PPM1H: variants seen among roughly 807,000 people sequenced by gnomAD.
The protein encoded by PPM1H is protein phosphatase 1H.
A neutral mutation model predicts 54.9 loss-of-function variants in PPM1H; 27 were observed. The ratio of observed to expected loss-of-function variants is 0.49; its 90% confidence interval spans 0.36 to 0.68. The LOEUF is 0.68. PPM1H is among the 30% of genes least tolerant of loss of function. PPM1H has a pLI of 0.00. For missense variants in PPM1H, 596 were observed against 667.8 expected, an observed-to-expected ratio of 0.89 and a Z score of 1.19; for synonymous variants, 305 against 270.8, an observed-to-expected ratio of 1.13 and a Z score of -1.24.
rs551737149 is a variant in PPM1H at position 62,747,980 on chromosome 12, T to C, written c.870-10394A>G. On this transcript the variant is annotated intron_variant, in intron 4 of 9. Transcript: ENST00000228705. The stretch of plus-strand genomic sequence containing the variant: ...AAAAAATAAAGGTAGCATCTCTCTG[T>C]AGAGTAGAAATGGAAAAGAAATCCA... Among the ~76,000 whole-genome samples, 6 of 152,266 alleles carry C rather than the reference T, an allele frequency of 3.9e-5. No homozygotes were observed. The East Asian group carries it at 1.2e-3, about 29-fold the overall frequency.
chr12:62,904,852 T>C (rs1464950164), intron 1 of PPM1H, among the ~76,000 whole-genome samples: 1 of 152,210 alleles, frequency 6.6e-6, no homozygotes, highest in African/African-American at 2.4e-5. Flanking sequence ...ATTAATTTCT[T>C]AGAAAAAATC....
Position 62,934,646 on chromosome 12 carries a change from C to G in PPM1H, c.91G>C (p.Gly31Arg). ...AAACGCAGGGGCAGGTCCGAGCCTC[C>G]GCAGCTGCCGCCGCCGTGCTCGGAG... ...SGSEHGGGSC[G>R]GSDLPLRFPY... The change falls in exon 1 of 10, where the codon GGA becomes CGA. Residue 31 changes from glycine (G) to arginine (R), a missense_variant. Around this residue, in one of 3 missense-constraint regions of PPM1H, gnomAD observed 382 missense variants for 387.1 expected, o/e 0.99. Coordinates refer to ENST00000228705, the MANE Select transcript of PPM1H (RefSeq NM_020700.2). This position sits in a 1 kb window ranked among gnomAD's most constrained non-coding sequence, Gnocchi z 4.2. 6.3e-7 allele frequency: 1 copy of G among 1,595,294 alleles called. No individual in the cohort carries two copies. Among genetic ancestry groups the G allele is most frequent in the South Asian group, 1.1e-5 (1 of 88,096 alleles).
intron 5 of PPM1H, among the ~76,000 whole-genome samples, chr12:62,731,068 C>T (rs1277391513): frequency 1.3e-5 from 2 of 152,068 alleles, no homozygotes; most frequent in African/African-American, 2.4e-5. Flanking sequence ...GAACTGAATA[C>T]GAATAAAATT....
At chr12:62,824,605 C>T (rs1286105939) in intron 2 of PPM1H, among the ~76,000 whole-genome samples, 7 of 152,196 alleles carry the variant, frequency 4.6e-5, no homozygotes, top group African/African-American at 1.7e-4. Context: ...CACACATCTA[C>T]AACCATCTGA....
At chr12:62,739,723 G>A (rs2076371626) in intron 4 of PPM1H, among the ~76,000 whole-genome samples, 1 of 152,174 alleles carries the variant, frequency 6.6e-6, no homozygotes. Flanking sequence ...CACAAAGCAG[G>A]GGCCCAGTGA....
At chr12:62,679,549 T>C (rs1271080679) in intron 8 of PPM1H, among the ~76,000 whole-genome samples, 2 of 152,194 alleles carry the variant, frequency 1.3e-5, no homozygotes, top group African/African-American at 2.4e-5. Flanking sequence ...TATGAAATTT[T>C]GGGGGCTCTC....
At chr12:62,827,455 G>T (rs1565801246) in intron 2 of PPM1H, among the ~76,000 whole-genome samples, 1 of 152,082 alleles carries the variant, frequency 6.6e-6, no homozygotes, top group Non-Finnish European at 1.5e-5. Flanking sequence ...CTCTAGGTTT[G>T]GACTCCTGGC....
rs146486035 is a variant in PPM1H, at chr12:62,837,354, A to G, written c.246-5075T>C. 4.6e-5 allele frequency among the ~76,000 whole-genome samples: 7 copies of G among 152,366 alleles called. No homozygotes were observed. In the East Asian group the frequency reaches 1.4e-3, roughly 29 times the overall value. ...ACATAGTGGTCCTGTCACAAAGGCC[A>G]TTGGCCCCAGAATAGTTTTCAACAG... On this transcript the variant is annotated intron_variant, in intron 1 of 9. Coordinates refer to ENST00000228705, the MANE Select transcript of PPM1H (RefSeq NM_020700.2).
Position 62,648,428 on chromosome 12 carries a change from G to C in PPM1H, c.*61C>G. ...CTCAGCTGGGGCACTTCCCAGTTCC[G>C]TCCTGCCAAGAGGCATCCCAGCTTT... On this transcript the variant is annotated 3_prime_UTR_variant, in exon 10 of 10. Coordinates refer to ENST00000228705, the MANE Select transcript of PPM1H (RefSeq NM_020700.2). 6.3e-7 allele frequency: 1 copy of C among 1,589,028 alleles called. No individual in the cohort carries two copies. Among genetic ancestry groups the C allele is most frequent in the Non-Finnish European group, 8.6e-7 (1 of 1,163,456 alleles).
intron 6 of PPM1H, among the ~76,000 whole-genome samples, chr12:62,699,346 G>C (rs554382362): frequency 2.0e-5 from 3 of 152,116 alleles, no homozygotes; most frequent in East Asian, 3.8e-4. Context: ...ACAGGCGTGC[G>C]CCACTACCCC....
At chr12:62,884,041 C>T (rs1203951606) in intron 1 of PPM1H, among the ~76,000 whole-genome samples, 1 of 152,062 alleles carries the variant, frequency 6.6e-6, no homozygotes, top group Non-Finnish European at 1.5e-5. Flanking sequence ...AGACAAAAGT[C>T]CCAGAGGGAA....
At chr12:62,924,685 C>T (rs918835529) in intron 1 of PPM1H, among the ~76,000 whole-genome samples, 23 of 152,198 alleles carry the variant, frequency 1.5e-4, no homozygotes, top group Non-Finnish European at 3.1e-4. Flanking sequence ...CAGGGAAACC[C>T]GAGATGACAT....
chr12:62,771,045 GACACACACACAC>G (rs71086630), intron 4 of PPM1H, among the ~76,000 whole-genome samples: 68 of 129,496 alleles, frequency 5.3e-4, no homozygotes, highest in Admixed American at 7.9e-4. Context: ...AAAAGAAAAA[GACACACACACAC>G]ACACACACAC....
At chr12:62,662,139 C>T (rs2075887809) in intron 9 of PPM1H, among the ~76,000 whole-genome samples, 1 of 152,190 alleles carries the variant, frequency 6.6e-6, no homozygotes, top group Admixed American at 6.5e-5. Context: ...GGTTACCACT[C>T]CTTGGCATAC....
intron 1 of PPM1H, among the ~76,000 whole-genome samples, chr12:62,932,056 G>A (rs1872154277): frequency 6.6e-6 from 1 of 150,792 alleles, no homozygotes; most frequent in African/African-American, 2.4e-5. Flanking sequence ...CTAGGGAGTA[G>A]GTGAGGGCTG....
intron 4 of PPM1H, among the ~76,000 whole-genome samples, chr12:62,750,087 G>T (rs1432626926): frequency 6.6e-6 from 1 of 150,728 alleles, no homozygotes; most frequent in African/African-American, 2.4e-5. Flanking sequence ...AAAAAAAGAG[G>T]TCTATGTGTT....
chr12:62,913,327 G>A (rs904539605), intron 1 of PPM1H, among the ~76,000 whole-genome samples: 3 of 152,136 alleles, frequency 2.0e-5, no homozygotes, highest in East Asian at 1.9e-4. Flanking sequence ...TTACTGTTGC[G>A]GTGAGGATGT....
intron 1 of PPM1H, among the ~76,000 whole-genome samples, chr12:62,874,195 C>T (rs1870084914): frequency 6.6e-6 from 1 of 152,180 alleles, no homozygotes; most frequent in African/African-American, 2.4e-5. Flanking sequence ...GCATTTCAGC[C>T]ACTGTCTAGT....
At chr12:62,873,609 A>G (rs937752259) in intron 1 of PPM1H, among the ~76,000 whole-genome samples, 1 of 152,200 alleles carries the variant, frequency 6.6e-6, no homozygotes, top group Non-Finnish European at 1.5e-5. Flanking sequence ...GATCCATGTC[A>G]TTACTGCAAT....
Sources: allele counts gnomAD v4.1 joint callset (sites outside exome capture counted in the v4.1 genomes callset), GRCh38; gene constraint gnomAD v4.1.1; regional missense constraint gnomAD v4.1.1; non-coding constraint Gnocchi (gnomAD v3.1); transcripts MANE v1.5; gene names NCBI Gene and HGNC (gene_info 2026-07-23, HGNC 2026-07-21).